ALPK1: variants seen among roughly 807,000 people sequenced by gnomAD.
ALPK1 encodes the protein alpha kinase 1, also known as alpha-protein kinase 1.
Under a neutral mutation model 120.6 loss-of-function variants are expected in ALPK1, and 110 were observed. That is an observed-to-expected ratio of 0.91 (90% CI 0.78 to 1.07). The LOEUF is 1.07. Among genes scored for constraint, ALPK1 ranks in the 50% least tolerant of loss-of-function variants. The pLI is 0.00. For missense variants in ALPK1, 1,498 were observed against 1,483.9 expected (o/e 1.01, Z -0.16); for synonymous variants, 582 against 560.3 (o/e 1.04, Z -0.55).
At chr4:112,322,143 A>T (rs1481549226) in intron 2 of ALPK1, among the ~76,000 whole-genome samples, 1 of 152,226 alleles carries the variant, frequency 6.6e-6, no homozygotes, top group Admixed American at 6.5e-5. Flanking sequence ...CTTTGACATA[A>T]ACATTGTCAC....
At chr4:112,305,029 T>C (rs1438631287) in intron 1 of ALPK1, among the ~76,000 whole-genome samples, 6 of 152,152 alleles carry the variant, frequency 3.9e-5, no homozygotes, top group Admixed American at 1.3e-4. Context: ...TTTCTTGTTT[T>C]TGTCAGGTTT....
rs571307321 is a variant in ALPK1, at chr4:112,424,209, AC to A, written c.535+207del. Among the ~76,000 whole-genome samples the A allele has an allele frequency of 3.7e-3, 550 of 146,678 alleles. 13 individuals carry two copies. Among genetic ancestry groups the A allele is most frequent in the Admixed American group, 0.032 (465 of 14,654 alleles). ...TGTTTTCTCTAAGTTAAAAAAAAAA[AC>A]AACAAAGACAAGGAACCTACTATTG... On this transcript the variant is annotated intron_variant, in intron 6 of 15. Coordinates refer to ENST00000650871, the MANE Select transcript of ALPK1 (RefSeq NM_025144.4).
chr4:112,356,301 C>G, intron 2 of ALPK1: 1 of 1,019,476 alleles, frequency 9.8e-7, no homozygotes, highest in Non-Finnish European at 1.6e-6. Context: ...ACCACCCTGG[C>G]CTGGCGAGAA....
intron 1 of ALPK1, among the ~76,000 whole-genome samples, chr4:112,304,688 C>A (rs1278685313): frequency 6.6e-6 from 1 of 152,038 alleles, no homozygotes; most frequent in African/African-American, 2.4e-5. Context: ...AATTTTCTCC[C>A]ATTCTGTAGG....
rs1162849679 is a variant in ALPK1, at chr4:112,432,376, G to C, written c.2829G>C (p.Glu943Asp). ...KSPAFSSGSS[E>D]GDSPWSYLNS... ...CTGCATTTTCCAGTGGTTCTTCTGA[G>C]GGGGACAGCCCTTGGTCCTATCTGA... The change falls in exon 11 of 16, where the codon GAG (glutamate) becomes GAC (aspartate). Residue 943 changes from glutamate to aspartate, a missense_variant. Coordinates refer to ENST00000650871, the MANE Select transcript of ALPK1 (RefSeq NM_025144.4). 4.3e-6 allele frequency: 7 copies of C among 1,614,212 alleles called. No homozygotes were observed. Among genetic ancestry groups the C allele is most frequent in the Non-Finnish European group, 5.9e-6 (7 of 1,180,054 alleles).
chr4:112,326,662 G>C (rs764603787), intron 2 of ALPK1, among the ~76,000 whole-genome samples: 1 of 152,132 alleles, frequency 6.6e-6, no homozygotes, highest in Non-Finnish European at 1.5e-5. Flanking sequence ...ACTAGTTTGG[G>C]TGTCTTTAAT....
At chr4:112,412,168 C>T (rs1291632173) in intron 5 of ALPK1, 143 bp downstream of exon 5, 8 of 973,180 alleles carry the variant, frequency 8.2e-6, no homozygotes, top group Admixed American at 2.1e-5. Context: ...CCCTCCCCCG[C>T]CCCTGTGCCC....
At chr4:112,349,551 G>GCCCCCCCCCC (rs10625139) in intron 2 of ALPK1, among the ~76,000 whole-genome samples, 62 of 103,752 alleles carry the variant, frequency 6.0e-4, no homozygotes, top group African/African-American at 8.1e-4. Context: ...CCCAACCCCT[G>GCCCCCCCCCC]CCCCCCCCCG....
At chr4:112,399,982 T>C (rs1049653812) in intron 4 of ALPK1, among the ~76,000 whole-genome samples, 1 of 152,220 alleles carries the variant, frequency 6.6e-6, no homozygotes, top group Non-Finnish European at 1.5e-5. Flanking sequence ...CCACATTTTC[T>C]TTATCCAGTC....
chr4:112,411,736 T>C lies in ALPK1; in HGVS notation c.277-91T>C, dbSNP rs1197967367. 3 of 1,229,872 alleles carry C rather than the reference T, an allele frequency of 2.4e-6. No homozygotes were observed. In the African/African-American group the frequency reaches 4.6e-5, roughly 19 times the overall value. The allele number at this position is 1,229,872 out of a possible 1,614,324, so 76.2% of individuals were successfully genotyped here. A position where few individuals can be genotyped will look rare whatever the true frequency, so the allele number is the denominator to read the frequency against. Reference sequence around the variant, plus strand: ...TTCTCTTCCTAGCTGTGGGTTTTGTTGTATTAATGAAAATGCCTCCCACGC... The same window carrying C: ...TTCTCTTCCTAGCTGTGGGTTTTGTCGTATTAATGAAAATGCCTCCCACGC... On this transcript the variant is annotated intron_variant, in intron 4 of 15. Coordinates refer to ENST00000650871, the MANE Select transcript of ALPK1 (RefSeq NM_025144.4).
rs375333397 is a variant in ALPK1 at position 112,321,663 on chromosome 4, T to C, written c.-101+5811T>C. ...ATGTATTTGCATACAACTATAATTTTAATCATTGATATATTGAAACATCAT... is the reference window on the plus strand; with the variant it reads ...ATGTATTTGCATACAACTATAATTTCAATCATTGATATATTGAAACATCAT... On this transcript the variant is annotated intron_variant, in intron 2 of 15. Transcript: ENST00000650871. Among the ~76,000 whole-genome samples the C allele has an allele frequency of 6.6e-5, 10 of 152,354 alleles. 1 individual carries two copies. The South Asian group carries it at 2.1e-3, about 32-fold the overall frequency.
chr4:112,390,421 C>T (rs1732357154), intron 4 of ALPK1, among the ~76,000 whole-genome samples: 1 of 152,158 alleles, frequency 6.6e-6, no homozygotes, highest in African/African-American at 2.4e-5. Context: ...TTCAAAGTTG[C>T]AGTTTACATT....
At chr4:112,312,616 C>CT (rs975083943) in intron 1 of ALPK1, among the ~76,000 whole-genome samples, 5 of 152,186 alleles carry the variant, frequency 3.3e-5, no homozygotes, top group Non-Finnish European at 7.3e-5. Context: ...CATGGAGACT[C>CT]TTTAAGATTT....
intron 2 of ALPK1, among the ~76,000 whole-genome samples, chr4:112,373,238 C>T (rs1731496900): frequency 6.6e-6 from 1 of 152,206 alleles, no homozygotes; most frequent in African/African-American, 2.4e-5. Context: ...GCCTCTTGTT[C>T]ACTGTAGCCC....
At position 112,431,232 on chromosome 4, in the gene ALPK1, A is replaced by C; in HGVS notation, c.1685A>C (p.Tyr562Ser). 1 of 1,614,210 alleles carries C rather than the reference A, an allele frequency of 6.2e-7. No homozygotes were observed. The highest frequency in any genetic ancestry group is 8.5e-7 in the Non-Finnish European group (1 of 1,180,032). The stretch of plus-strand genomic sequence containing the variant: ...GAGACTGAGACTGAGCCATCGGACT[A>C]CAGCAATGGTGAGGGAGCTGTTTTC... ...DVETETEPSD[Y>S]SNGEGAVFNK... Residue 562 changes from tyrosine (Y) to serine (S), a missense_variant, in exon 11 of 16, where the codon TAC becomes TCC. Transcript: ENST00000650871.
Position 112,427,572 on chromosome 4 carries a change from C to A in ALPK1, c.702C>A (p.Gly234=). 6.2e-7 allele frequency: 1 copy of A among 1,612,814 alleles called. No homozygotes were observed. The highest frequency in any genetic ancestry group is 1.7e-4 in the Middle Eastern group (1 of 6,058). The change falls in exon 9 of 16, where the codon GGC becomes GGA. Residue 234 remains glycine, a splice_region_variant and synonymous_variant. Coordinates refer to ENST00000650871, the MANE Select transcript of ALPK1 (RefSeq NM_025144.4). ...ACTTCTTTGTGTTTTTCTTACAGGG[C>A]CTCTCCACGTCGCTAGGTATACTGG... The part of the protein sequence containing the change: ...YLALPQPDKK[G]LSTSLGILAD...
chr4:112,418,276 T>C (rs896609798), intron 5 of ALPK1, among the ~76,000 whole-genome samples: 12 of 152,136 alleles, frequency 7.9e-5, no homozygotes, highest in African/African-American at 2.9e-4. Flanking sequence ...CTTCTGAATG[T>C]TGGGGGAAGC....
intron 4 of ALPK1, among the ~76,000 whole-genome samples, chr4:112,397,632 A>C (rs1205437210): frequency 6.6e-6 from 1 of 152,198 alleles, no homozygotes; most frequent in Non-Finnish European, 1.5e-5. Context: ...TCACAGAACT[A>C]TGACAGCTTC....
intron 4 of ALPK1, among the ~76,000 whole-genome samples, chr4:112,393,857 G>A (rs1337503114): frequency 6.6e-6 from 1 of 152,006 alleles, no homozygotes; most frequent in East Asian, 2.0e-4. Flanking sequence ...GCTATAAGCT[G>A]AGTATCATTA....
Sources: allele counts gnomAD v4.1 joint callset (sites outside exome capture counted in the v4.1 genomes callset), GRCh38; gene constraint gnomAD v4.1.1; transcripts MANE v1.5; gene names NCBI Gene and HGNC (gene_info 2026-07-23, HGNC 2026-07-21).